The following GRIP2 variants were observed in gnomAD, a reference collection of about 807,000 sequenced individuals.
GRIP2 encodes the protein glutamate receptor interacting protein 2, also known as glutamate receptor-interacting protein 2.
GRIP2 carries 58 observed loss-of-function variants against 108.3 expected under a neutral mutation model. That is an observed-to-expected ratio of 0.54 (90% CI 0.43 to 0.67). The LOEUF is 0.67. Ranked by LOEUF, GRIP2 falls within the 30% of genes least tolerant of loss-of-function variation. The pLI is 0.00. For missense variants in GRIP2, 1,278 were observed against 1,430.6 expected (o/e 0.89, Z 1.72); for synonymous variants, 586 against 598.2 (o/e 0.98, Z 0.30).
At chr3:14,504,309 G>GTT (rs35560980) in intron 20 of GRIP2, among the ~76,000 whole-genome samples, 115 of 121,568 alleles carry the variant, frequency 9.5e-4, no homozygotes, top group African/African-American at 2.3e-3. Context: ...GCACTTGCTT[G>GTT]TTTTTTTTTT....
rs74491811 is a variant in GRIP2, at chr3:14,511,450, T to C, written c.1750A>G (p.Ile584Val). The C allele has an allele frequency of 1.5e-3, 2,368 of 1,613,764 alleles. 72 individuals carry two copies. In the East Asian group the frequency reaches 0.037, roughly 25 times the overall value. Residue 584 changes from isoleucine to valine, a missense_variant, in exon 15 of 24, where the codon ATC becomes GTC. By Grantham distance (29) the Ile-to-Val change is conservative. Transcript: ENST00000621039. This position sits in a 1 kb window ranked among gnomAD's most constrained non-coding sequence, Gnocchi z 4.1. The part of the protein sequence containing the change: ...SASRKRGEPL[I>V]ISDIKKGSVA... ...CTGCCTTTCTTGATGTCGGAGATGATCAAGGGCTCCCCTCGTTTCCTGCTG... is the reference window on the plus strand; with the variant it reads ...CTGCCTTTCTTGATGTCGGAGATGACCAAGGGCTCCCCTCGTTTCCTGCTG...
At chr3:14,546,308 G>A (rs189238481), upstream of GRIP2, among the ~76,000 whole-genome samples, 15 of 152,300 alleles carry the variant, frequency 9.8e-5, no homozygotes, top group East Asian at 2.9e-3. Context: ...GAGAGGAGTT[G>A]GGATTCTGTT....
At chr3:14,569,166 G>A in the GRIP2 span, among the ~76,000 whole-genome samples, 1 of 152,232 alleles carries the variant, frequency 6.6e-6, no homozygotes, top group Non-Finnish European at 1.5e-5. Flanking sequence ...ATCTTCTGCA[G>A]TGGACTCGGG....
the GRIP2 span, among the ~76,000 whole-genome samples, chr3:14,593,147 C>G: frequency 2.8e-4 from 42 of 152,346 alleles, 1 homozygote; most frequent in Middle Eastern, 0.017. Flanking sequence ...GGGGTCTCAG[C>G]CCAGCACAGC....
chr3:14,507,437 C>G lies in GRIP2; in HGVS notation c.2218+124G>C. 8.3e-7 allele frequency: 1 copy of G among 1,207,282 alleles called. No individual in the cohort carries two copies. Among genetic ancestry groups the G allele is most frequent in the South Asian group, 1.5e-5 (1 of 68,526 alleles). The allele number at this position is 1,207,282 out of a possible 1,614,324, so 74.8% of individuals were successfully genotyped here. ...CTCTGAGTCTTATCTTCTTTGCCAT[C>G]GCAGGCCCGCCTCCACAGGGCTGCA... On this transcript the variant is annotated intron_variant, in intron 18 of 23. Transcript: ENST00000621039. This position sits in a 1 kb window ranked among gnomAD's most constrained non-coding sequence, Gnocchi z 4.6.
chr3:14,512,936 G>C lies in GRIP2; in HGVS notation c.1640-79C>G, dbSNP rs1216070392. 14 of 1,310,402 alleles carry C rather than the reference G, an allele frequency of 1.1e-5. No homozygotes were observed. Among genetic ancestry groups the C allele is most frequent in the Non-Finnish European group, 1.5e-5 (14 of 905,658 alleles). 81.2% of individuals were successfully genotyped at this position (1,310,402 alleles called of 1,614,324 possible). A position where few individuals can be genotyped will look rare whatever the true frequency, so the allele number is the denominator to read the frequency against. On this transcript the variant is annotated intron_variant, in intron 13 of 23. Transcript: ENST00000621039. This position sits in a 1 kb window ranked among gnomAD's most constrained non-coding sequence, Gnocchi z 5.1. ...GAACCCCAGCCCCATGCCCATTCTG[G>C]CTGTGCTGGGAGTGACCCCGAAAGT... is the stretch of plus-strand genomic sequence containing the variant.
At chr3:14,599,585 G>A in the GRIP2 span, among the ~76,000 whole-genome samples, 1 of 151,824 alleles carries the variant, frequency 6.6e-6, no homozygotes, top group Non-Finnish European at 1.5e-5. Flanking sequence ...GGGAGGGGGA[G>A]TTGGAAAGGG....
At chr3:14,569,191 C>T in the GRIP2 span, among the ~76,000 whole-genome samples, 1 of 152,202 alleles carries the variant, frequency 6.6e-6, no homozygotes, top group Non-Finnish European at 1.5e-5. Flanking sequence ...CCTTCCTGTC[C>T]CTGATTCAGA....
intron 1 of GRIP2, among the ~76,000 whole-genome samples, chr3:14,527,406 G>GGA (rs1553599335): frequency 8.6e-6 from 1 of 116,498 alleles, no homozygotes; most frequent in Non-Finnish European, 1.9e-5. Flanking sequence ...GGAAAGGAAA[G>GGA]AAGGAAAGCG....
At chr3:14,559,978 C>T (rs889125841), upstream of GRIP2, among the ~76,000 whole-genome samples, 1 of 152,146 alleles carries the variant, frequency 6.6e-6, no homozygotes, top group Non-Finnish European at 1.5e-5. Context: ...TGAGGATGGG[C>T]TTGGTGGCTC....
At chr3:14,519,396 C>T (rs1434553036) in intron 9 of GRIP2, among the ~76,000 whole-genome samples, 3 of 152,214 alleles carry the variant, frequency 2.0e-5, no homozygotes, top group Non-Finnish European at 2.9e-5. Context: ...CCTTTATCTC[C>T]GTCAGCCTCC....
At chr3:14,508,175 T>C (rs1417402867) in intron 17 of GRIP2, among the ~76,000 whole-genome samples, 1 of 152,244 alleles carries the variant, frequency 6.6e-6, no homozygotes, top group Non-Finnish European at 1.5e-5. Flanking sequence ...GCCTCAGTTT[T>C]CCCACCTGGA....
intron 23 of GRIP2, 53 bp from the exon 24 acceptor site, chr3:14,493,879 T>C: frequency 6.4e-7 from 1 of 1,568,076 alleles, no homozygotes; most frequent in South Asian, 1.2e-5. Context: ...CCTGCTGCGC[T>C]GAAGGGAGCA....
In GRIP2 at chr3:14,521,239, A is replaced by G; in HGVS notation, c.712+403T>C. On this transcript the variant is annotated intron_variant, in intron 7 of 23. Coordinates refer to ENST00000621039, the MANE Select transcript of GRIP2 (RefSeq NM_001080423.4). The surrounding 1 kb of genome is among the most constrained non-coding windows in gnomAD (Gnocchi z 5.1). Reference sequence around the variant, plus strand: ...GCACTTACTCTTCCGCCCTCCTGGAATGCTGTCCCTGGACATTCCATGCCT... The same window carrying G: ...GCACTTACTCTTCCGCCCTCCTGGAGTGCTGTCCCTGGACATTCCATGCCT... The G allele has an allele frequency of 5.8e-6, 1 of 171,994 alleles. No individual in the cohort carries two copies. The highest frequency in any genetic ancestry group is 1.2e-5 in the Non-Finnish European group (1 of 81,484). The allele number at this position is 171,994 out of a possible 1,614,324, so 10.7% of individuals were successfully genotyped here.
chr3:14,578,672 G>T, the GRIP2 span, among the ~76,000 whole-genome samples: 1 of 151,690 alleles, frequency 6.6e-6, no homozygotes, highest in East Asian at 1.9e-4. Context: ...AGCTGAGATT[G>T]TGCCACTGCA....
At chr3:14,597,689 C>T in the GRIP2 span, among the ~76,000 whole-genome samples, 3 of 152,000 alleles carry the variant, frequency 2.0e-5, no homozygotes, top group Non-Finnish European at 4.4e-5. Context: ...GTGTAGATTC[C>T]TTGTCCTTTT....
At chr3:14,503,258 A>G (rs1693818071) in intron 21 of GRIP2, among the ~76,000 whole-genome samples, 1 of 151,136 alleles carries the variant, frequency 6.6e-6, no homozygotes, top group Non-Finnish European at 1.5e-5. Flanking sequence ...GCAAATGTGC[A>G]TGCATGAGCA....
At chr3:14,598,458 C>A in the GRIP2 span, among the ~76,000 whole-genome samples, 5 of 151,944 alleles carry the variant, frequency 3.3e-5, no homozygotes, top group Non-Finnish European at 5.9e-5. Context: ...CCACCCCAAC[C>A]CAAGACTTCA....
intron 1 of GRIP2, among the ~76,000 whole-genome samples, chr3:14,552,618 T>TTCTC (rs1251371341): frequency 1.4e-5 from 2 of 139,188 alleles, no homozygotes; most frequent in African/African-American, 2.6e-5. Flanking sequence ...ATTCTTTTCT[T>TTCTC]TCTCTCTCTC....
Sources: gnomAD v4.1 joint callset for allele counts (sites outside exome capture counted in the v4.1 genomes callset) on GRCh38, gnomAD v4.1.1 for gene constraint, Gnocchi (gnomAD v3.1) non-coding constraint, MANE v1.5 for transcripts, NCBI Gene and HGNC (gene_info 2026-07-23, HGNC 2026-07-21) for gene names.